DGLUCY: variants seen among roughly 807,000 people sequenced by gnomAD.
DGLUCY encodes D-glutamate cyclase.
DGLUCY carries 58 observed loss-of-function variants against 58.5 expected under a neutral mutation model. That is an observed-to-expected ratio of 0.99 (90% CI 0.80 to 1.23). The LOEUF (loss-of-function observed/expected upper bound fraction) is 1.23. DGLUCY is among the 50% of genes most tolerant of loss of function. The probability of loss-of-function intolerance (pLI) is 0.00; values close to 1 mark genes in which losing one functional copy is unlikely to be tolerated. For missense variants in DGLUCY, 779 were observed against 784.7 expected (o/e 0.99, Z 0.09); for synonymous variants, 325 against 314.1 (o/e 1.03, Z -0.37).
chr14:91,219,756 C>T (rs1423512582), intron 13 of DGLUCY, among the ~76,000 whole-genome samples: 2 of 152,188 alleles, frequency 1.3e-5, no homozygotes, highest in Non-Finnish European at 2.9e-5. Flanking sequence ...ATTCCTAAGA[C>T]GTCATCAAGG....
intron 13 of DGLUCY, among the ~76,000 whole-genome samples, chr14:91,218,497 G>A (rs1338525387): frequency 6.6e-6 from 1 of 151,672 alleles, no homozygotes; most frequent in African/African-American, 2.4e-5. Flanking sequence ...CCGCCTCCCA[G>A]GTTTGAGTGA....
intron 11 of DGLUCY, among the ~76,000 whole-genome samples, chr14:91,204,393 G>A (rs2050751093): frequency 6.6e-6 from 1 of 152,196 alleles, no homozygotes; most frequent in East Asian, 1.9e-4. Context: ...GAGGTCCTGA[G>A]TGTCACCATA....
chr14:91,119,541 A>G (rs1245256676), intron 1 of DGLUCY, among the ~76,000 whole-genome samples: 1 of 151,996 alleles, frequency 6.6e-6, no homozygotes, highest in Non-Finnish European at 1.5e-5. Flanking sequence ...CATTTCCTTC[A>G]AAGAGACCTC....
chr14:91,165,157 G>C (rs1270222126), intron 3 of DGLUCY: 2 of 450,178 alleles, frequency 4.4e-6, no homozygotes, highest in Non-Finnish European at 8.9e-6. Context: ...TCATTACCTA[G>C]TATAGTTCCT....
At chr14:91,181,916 T>A (rs1352102574) in intron 8 of DGLUCY, among the ~76,000 whole-genome samples, 3 of 151,136 alleles carry the variant, frequency 2.0e-5, no homozygotes, top group Non-Finnish European at 4.4e-5. Flanking sequence ...AAGTGCTGGG[T>A]TTACAAGCGT....
At chr14:91,155,227 G>C (rs2047551054) in intron 1 of DGLUCY, among the ~76,000 whole-genome samples, 1 of 152,222 alleles carries the variant, frequency 6.6e-6, no homozygotes, top group Admixed American at 6.5e-5. Flanking sequence ...ACCCCTGTGA[G>C]TGTGGGCTGT....
chr14:91,122,062 C>G (rs2045397464), intron 1 of DGLUCY, among the ~76,000 whole-genome samples: 1 of 151,818 alleles, frequency 6.6e-6, no homozygotes, highest in African/African-American at 2.4e-5. Flanking sequence ...ACCTTGTTGT[C>G]TAGATTGCCT....
intron 3 of DGLUCY, among the ~76,000 whole-genome samples, chr14:91,162,828 C>T (rs377654991): frequency 4.0e-5 from 6 of 149,462 alleles, no homozygotes; most frequent in Non-Finnish European, 8.9e-5. Flanking sequence ...ACCCAGAAGG[C>T]GGAGGTTGCA....
At chr14:91,189,458 C>T (rs1319440494) in intron 9 of DGLUCY, among the ~76,000 whole-genome samples, 1 of 152,200 alleles carries the variant, frequency 6.6e-6, no homozygotes, top group Non-Finnish European at 1.5e-5. Context: ...TGGGGAATGA[C>T]CTGCCGAGTA....
At chr14:91,073,135 G>A (rs1014634027) in intron 1 of DGLUCY, among the ~76,000 whole-genome samples, 2 of 152,094 alleles carry the variant, frequency 1.3e-5, no homozygotes, top group Non-Finnish European at 1.5e-5. Flanking sequence ...GTGGTGAAAA[G>A]GATTTTGCAG....
intron 1 of DGLUCY, among the ~76,000 whole-genome samples, chr14:91,157,185 G>A (rs1333517382): frequency 1.5e-5 from 2 of 136,634 alleles, no homozygotes; most frequent in African/African-American, 5.1e-5. Flanking sequence ...ATGGATGGAT[G>A]GGTGGATAGA....
intron 12 of DGLUCY, among the ~76,000 whole-genome samples, chr14:91,207,655 C>CCTAT (rs1385253285): frequency 2.0e-5 from 3 of 152,286 alleles, no homozygotes; most frequent in African/African-American, 7.2e-5. Flanking sequence ...AAACCCTTTA[C>CCTAT]CTATACAGGA....
intron 1 of DGLUCY, among the ~76,000 whole-genome samples, chr14:91,123,945 T>TTTTA (rs2045537716): frequency 6.7e-6 from 1 of 148,488 alleles, no homozygotes; most frequent in African/African-American, 2.5e-5. Flanking sequence ...TTTTTTTTTT[T>TTTTA]GAGATGGAGT....
At chr14:91,163,657 CA>C (rs2048116510) in intron 3 of DGLUCY, among the ~76,000 whole-genome samples, 1 of 152,126 alleles carries the variant, frequency 6.6e-6, no homozygotes, top group South Asian at 2.1e-4. Flanking sequence ...CAGCAGAGGC[CA>C]CTCCGTGATG....
chr14:91,091,706 A>G (rs2044314557), intron 1 of DGLUCY, among the ~76,000 whole-genome samples: 1 of 152,152 alleles, frequency 6.6e-6, no homozygotes, highest in African/African-American at 2.4e-5. Context: ...TATAGAGGGC[A>G]AAGACGCCCA....
chr14:91,204,579 G>A, intron 11 of DGLUCY, 127 bp from the exon 12 acceptor site: 2 of 1,308,588 alleles, frequency 1.5e-6, no homozygotes, highest in South Asian at 1.5e-5. Flanking sequence ...CTGGTTGTCT[G>A]AAAATATATC....
chr14:91,157,087 A>G (rs2047665141), intron 1 of DGLUCY, among the ~76,000 whole-genome samples: 79 of 146,926 alleles, frequency 5.4e-4, no homozygotes, highest in Non-Finnish European at 9.6e-4. Flanking sequence ...GGATGGATGG[A>G]TGGATGAATG....
intron 1 of DGLUCY, among the ~76,000 whole-genome samples, chr14:91,093,367 A>G (rs192086123): frequency 4.6e-5 from 7 of 152,358 alleles, no homozygotes; most frequent in Admixed American, 4.6e-4. Flanking sequence ...GTATTTGGGT[A>G]GATGAGGTAC....
At chr14:91,068,411 G>A (rs1031406985) in intron 1 of DGLUCY, among the ~76,000 whole-genome samples, 27 of 152,222 alleles carry the variant, frequency 1.8e-4, no homozygotes, top group African/African-American at 4.3e-4. Context: ...GCTCCCACCT[G>A]TAATCCCAAC....
Sources: gnomAD v4.1 joint callset for allele counts (sites outside exome capture counted in the v4.1 genomes callset) on GRCh38, gnomAD v4.1.1 for gene constraint, MANE v1.5 for transcripts, NCBI Gene and HGNC (gene_info 2026-07-23, HGNC 2026-07-21) for gene names.